GPR158: variants seen among roughly 807,000 people sequenced by gnomAD.
GPR158 encodes metabotropic glycine receptor.
In GPR158, 30 loss-of-function variants were observed where a neutral mutation model predicts 78.2. The ratio of observed to expected loss-of-function variants is 0.38; its 90% confidence interval spans 0.29 to 0.52. GPR158 has a LOEUF of 0.52. Ranked by LOEUF, GPR158 falls within the 20% of genes least tolerant of loss-of-function variation. The pLI, the probability that GPR158 is intolerant of heterozygous loss-of-function variation, is 0.83. For missense variants in GPR158, 1,463 were observed against 1,523.5 expected (o/e 0.96, Z 0.66); for synonymous variants, 581 against 591.1 (o/e 0.98, Z 0.25).
intron 2 of GPR158, among the ~76,000 whole-genome samples, chr10:25,360,364 T>A (rs1399802701): frequency 6.7e-6 from 1 of 150,138 alleles, no homozygotes; most frequent in East Asian, 2.0e-4. Flanking sequence ...GGTTTTCTTC[T>A]AGGGTTTTTA....
chr10:25,400,405 G>A (rs1834427774), intron 3 of GPR158, among the ~76,000 whole-genome samples: 1 of 152,120 alleles, frequency 6.6e-6, no homozygotes, highest in African/African-American at 2.4e-5. Context: ...AAAATATGAA[G>A]TGATTTAAAA....
chr10:25,251,074 T>C (rs1190230303), intron 2 of GPR158, among the ~76,000 whole-genome samples: 5 of 152,172 alleles, frequency 3.3e-5, no homozygotes, highest in African/African-American at 7.2e-5. Context: ...CTAATGGCCT[T>C]CTTTGTCTCT....
At chr10:25,367,241 C>T (rs1293274198) in intron 2 of GPR158, among the ~76,000 whole-genome samples, 1 of 151,640 alleles carries the variant, frequency 6.6e-6, no homozygotes, top group Admixed American at 6.6e-5. Context: ...GCATCATATA[C>T]TGAAAAGACT....
At chr10:25,352,936 A>G (rs999516012) in intron 2 of GPR158, among the ~76,000 whole-genome samples, 1 of 152,092 alleles carries the variant, frequency 6.6e-6, no homozygotes, top group African/African-American at 2.4e-5. Flanking sequence ...ATACATAAAA[A>G]TATAAAATAA....
intron 2 of GPR158, chr10:25,244,871 A>G (rs1438046271): frequency 2.0e-5 from 3 of 151,564 alleles, no homozygotes; most frequent in Non-Finnish European, 4.4e-5. Flanking sequence ...CTTGACGCCA[A>G]TGGCTTGGTA....
chr10:25,391,969 G>T (rs112437848), intron 2 of GPR158, among the ~76,000 whole-genome samples: 80 of 152,148 alleles, frequency 5.3e-4, no homozygotes, highest in African/African-American at 1.9e-3. Context: ...TAAGTCTCAC[G>T]AGATCTGATG....
rs372711994 is a variant in GPR158 at position 25,176,291 on chromosome 10, G to T, written c.871G>T (p.Gly291Trp). ...GGTTACTCTTTCCTCTGCCATCTAC[G>T]GGTTGCAGCCTAACCTGGTCCCGGA... is the stretch of plus-strand genomic sequence containing the variant. Reference protein sequence around the residue: ...WLVTLSSAIYGLQPNLVPEFR... With the variant: ...WLVTLSSAIYWLQPNLVPEFR... Residue 291 changes from glycine to tryptophan, a missense_variant, in exon 1 of 11, where the codon GGG becomes TGG. Coordinates refer to ENST00000376351, the MANE Select transcript of GPR158 (RefSeq NM_020752.3). This position sits in a 1 kb window ranked among gnomAD's most constrained non-coding sequence, Gnocchi z 6.3. 2 of 1,605,504 alleles carry T rather than the reference G, an allele frequency of 1.2e-6. No individual in the cohort carries two copies. The highest frequency in any genetic ancestry group is 1.1e-5 in the South Asian group (1 of 89,264).
chr10:25,233,543 T>C (rs551021899), intron 2 of GPR158, among the ~76,000 whole-genome samples: 2 of 152,334 alleles, frequency 1.3e-5, no homozygotes, highest in South Asian at 4.1e-4. Context: ...AATTTATAGG[T>C]GTACAAACTG....
intron 2 of GPR158, among the ~76,000 whole-genome samples, chr10:25,338,597 T>A (rs1564426410): frequency 2.1e-5 from 3 of 144,130 alleles, no homozygotes; most frequent in Non-Finnish European, 4.5e-5. Flanking sequence ...ATTATATATA[T>A]TATTATATAT....
intron 4 of GPR158, among the ~76,000 whole-genome samples, chr10:25,432,339 A>G (rs1000647114): frequency 3.9e-5 from 6 of 152,200 alleles, no homozygotes; most frequent in African/African-American, 1.4e-4. Context: ...ACTCCCATCT[A>G]TTGCTGATGA....
chr10:25,354,660 A>T (rs1030083837), intron 2 of GPR158, among the ~76,000 whole-genome samples: 13 of 151,984 alleles, frequency 8.6e-5, no homozygotes, highest in Admixed American at 3.3e-4. Flanking sequence ...AGTGGGTTTT[A>T]TACCTTCAAT....
chr10:25,513,900 A>G (rs1269858970), intron 5 of GPR158, among the ~76,000 whole-genome samples: 1 of 152,066 alleles, frequency 6.6e-6, no homozygotes, highest in African/African-American at 2.4e-5. Context: ...TATAATATCA[A>G]TTGTTTTAAA....
At position 25,443,261 on chromosome 10, in the gene GPR158, A is replaced by AT. The variant is rs528634545; in HGVS notation, c.1336-23383dup. On this transcript the variant is annotated intron_variant, in intron 4 of 10. Transcript: ENST00000376351. ...CTGCCATGCTTGGCTATTAAAAAAA[A>AT]TTTTTTTGTGAGGCTGGTTGTAGTG... Among the ~76,000 whole-genome samples the AT allele has an allele frequency of 2.3e-3, 352 of 152,164 alleles. 3 individuals carry two copies. Among genetic ancestry groups the AT allele is most frequent in the East Asian group, 1.2e-3 (6 of 5,150 alleles).
chr10:25,413,364 T>C (rs1834618736), intron 4 of GPR158, among the ~76,000 whole-genome samples: 1 of 152,178 alleles, frequency 6.6e-6, no homozygotes, highest in African/African-American at 2.4e-5. Context: ...GAAGCATTTG[T>C]ATGCCTTTCA....
intron 1 of GPR158, among the ~76,000 whole-genome samples, chr10:25,204,874 G>A (rs1460760013): frequency 7.4e-6 from 1 of 134,358 alleles, no homozygotes; most frequent in Admixed American, 7.7e-5. Flanking sequence ...TCCCTGATAT[G>A]GTTTGGCTGT....
At chr10:25,312,985 C>T (rs1270785278) in intron 2 of GPR158, among the ~76,000 whole-genome samples, 1 of 151,854 alleles carries the variant, frequency 6.6e-6, no homozygotes, top group Non-Finnish European at 1.5e-5. Context: ...AAAGTTTTGG[C>T]ATTGAGGACC....
intron 6 of GPR158, among the ~76,000 whole-genome samples, chr10:25,552,982 C>A (rs1836746600): frequency 6.6e-6 from 1 of 152,170 alleles, no homozygotes; most frequent in African/African-American, 2.4e-5. Context: ...GCCAATCTTC[C>A]TTTGCAATGA....
At chr10:25,239,834 A>C (rs1241795094) in intron 2 of GPR158, among the ~76,000 whole-genome samples, 1 of 152,184 alleles carries the variant, frequency 6.6e-6, no homozygotes, top group Admixed American at 6.5e-5. Flanking sequence ...CAAAGCCAAT[A>C]ATATACCAGG....
chr10:25,371,241 T>C (rs1439988559), intron 2 of GPR158, among the ~76,000 whole-genome samples: 1 of 151,708 alleles, frequency 6.6e-6, no homozygotes, highest in Admixed American at 6.6e-5. Flanking sequence ...TGCTCATTAG[T>C]TGATGCAGTT....
Sources: allele counts gnomAD v4.1 joint callset (sites outside exome capture counted in the v4.1 genomes callset), GRCh38; gene constraint gnomAD v4.1.1; non-coding constraint Gnocchi (gnomAD v3.1); transcripts MANE v1.5; gene names NCBI Gene and HGNC (gene_info 2026-07-23, HGNC 2026-07-21).